The following TBC1D5 variants were observed in gnomAD, a reference collection of about 807,000 sequenced individuals.
TBC1D5 encodes the protein TBC1 domain family, member 5.
TBC1D5 carries 75 observed loss-of-function variants against 100.3 expected under a neutral mutation model. The observed-to-expected ratio is 0.75, with a 90% confidence interval of 0.62 to 0.91. TBC1D5 has a LOEUF of 0.91. Ranked by LOEUF, TBC1D5 falls within the 40% of genes least tolerant of loss-of-function variation. The pLI is 0.00. For synonymous variants in TBC1D5, 323 were observed against 325.6 expected, an observed-to-expected ratio of 0.99 and a Z score of 0.09; for missense variants, 910 against 942.4, an observed-to-expected ratio of 0.97 and a Z score of 0.45.
intron 2 of TBC1D5, among the ~76,000 whole-genome samples, chr3:17,546,556 G>A (rs899144339): frequency 6.6e-6 from 1 of 151,654 alleles, no homozygotes; most frequent in Non-Finnish European, 1.5e-5. Context: ...CTGAGCTCAG[G>A]AGTTTGAAAC....
intron 4 of TBC1D5, among the ~76,000 whole-genome samples, 184 bp downstream of exon 4, chr3:17,428,266 T>C (rs2094379618): frequency 1.3e-5 from 2 of 151,682 alleles, no homozygotes; most frequent in South Asian, 4.2e-4. Flanking sequence ...TCTTATTAAT[T>C]ACAGAAAATA....
rs555195095 is a variant in TBC1D5 at position 17,518,417 on chromosome 3, G to A, written c.-35-9812C>T. ...GGGAGAGAAGTGGCTTGACTTGAAA[G>A]GGACAGCTTTACAGAGGGACAGCTT... On this transcript the variant is annotated intron_variant, in intron 2 of 21. Transcript: ENST00000253692. 1.1e-4 allele frequency among the ~76,000 whole-genome samples: 17 copies of A among 152,308 alleles called. No individual in the cohort carries two copies. The South Asian group carries it at 3.1e-3, about 28-fold the overall frequency.
At chr3:17,284,352 G>T (rs893361144) in intron 15 of TBC1D5, among the ~76,000 whole-genome samples, 1 of 152,044 alleles carries the variant, frequency 6.6e-6, no homozygotes, top group Non-Finnish European at 1.5e-5. Flanking sequence ...TCCTGACTTC[G>T]AGTGATCCGC....
chr3:17,214,241 C>A (rs747450199), exon 18 of TBC1D5: 1 of 1,612,870 alleles, frequency 6.2e-7, no homozygotes, highest in Admixed American at 1.7e-5. Context: ...GCTGTGTGAG[C>A]GAGAACGTGA....
exon 1 of TBC1D5, chr3:17,739,566 G>A (rs1313931030): frequency 6.6e-6 from 1 of 152,244 alleles, no homozygotes; most frequent in African/African-American, 2.4e-5. Context: ...TTCAGAGGAA[G>A]TAGATACTTT....
intron 1 of TBC1D5, among the ~76,000 whole-genome samples, chr3:17,703,683 G>C (rs183325432): frequency 2.0e-5 from 3 of 152,106 alleles, no homozygotes; most frequent in African/African-American, 7.2e-5. Context: ...TAGAACAGGG[G>C]ATCACAAGCT....
intron 2 of TBC1D5, among the ~76,000 whole-genome samples, chr3:17,619,582 T>C (rs1237681569): frequency 6.6e-6 from 1 of 152,096 alleles, no homozygotes; most frequent in Non-Finnish European, 1.5e-5. Context: ...ATATCATACA[T>C]AAAAATAAAC....
At chr3:17,543,291 C>A (rs546882514) in intron 2 of TBC1D5, among the ~76,000 whole-genome samples, 10 of 152,086 alleles carry the variant, frequency 6.6e-5, no homozygotes, top group Non-Finnish European at 2.9e-5. Context: ...TTTGGGGTGG[C>A]GTTCCTAATC....
intron 3 of TBC1D5, among the ~76,000 whole-genome samples, chr3:17,506,904 T>C (rs986066031): frequency 6.6e-6 from 1 of 152,070 alleles, no homozygotes; most frequent in African/African-American, 2.4e-5. Context: ...TAGTCCCAGC[T>C]ACTTGGGAGG....
At chr3:17,366,367 GC>G (rs1169117816) in intron 13 of TBC1D5, among the ~76,000 whole-genome samples, 3 of 151,812 alleles carry the variant, frequency 2.0e-5, no homozygotes, top group African/African-American at 7.3e-5. Flanking sequence ...ACAATGCCTA[GC>G]CCTCAGGAAA....
At chr3:17,290,465 C>T (rs1470067968) in intron 15 of TBC1D5, among the ~76,000 whole-genome samples, 1 of 152,140 alleles carries the variant, frequency 6.6e-6, no homozygotes, top group Non-Finnish European at 1.5e-5. Flanking sequence ...TCATTTCTTT[C>T]TTCAATTAAA....
At chr3:17,223,974 A>G (rs2074572490) in intron 17 of TBC1D5, among the ~76,000 whole-genome samples, 1 of 152,188 alleles carries the variant, frequency 6.6e-6, no homozygotes, top group South Asian at 2.1e-4. Context: ...ATATAATTAA[A>G]TTTAAATTTC....
At chr3:17,366,117 T>C (rs571639966) in intron 13 of TBC1D5, among the ~76,000 whole-genome samples, 17 of 151,954 alleles carry the variant, frequency 1.1e-4, no homozygotes, top group Admixed American at 3.3e-4. Flanking sequence ...TAGTGAAACC[T>C]TGTCTTTACC....
chr3:17,206,180 G>A (rs2072157369), intron 18 of TBC1D5, among the ~76,000 whole-genome samples: 1 of 152,198 alleles, frequency 6.6e-6, no homozygotes, highest in South Asian at 2.1e-4. Flanking sequence ...TACATCAGTG[G>A]TTCAGATCTA....
chr3:17,244,165 A>G (rs987174572), intron 16 of TBC1D5, among the ~76,000 whole-genome samples: 1 of 152,232 alleles, frequency 6.6e-6, no homozygotes, highest in Non-Finnish European at 1.5e-5. Flanking sequence ...AAGGGCTCCA[A>G]TCCTGGAACT....
chr3:17,625,907 T>C (rs1219903813), intron 1 of TBC1D5, among the ~76,000 whole-genome samples: 1 of 152,154 alleles, frequency 6.6e-6, no homozygotes, highest in East Asian at 1.9e-4. Context: ...TTTAGAATTA[T>C]TTTCATTATC....
rs192332115 is a variant in TBC1D5 at position 17,278,675 on chromosome 3, G to A, written c.1245+13220C>T. Among the ~76,000 whole-genome samples, 206 of 152,202 alleles carry A rather than the reference G, an allele frequency of 1.4e-3. 2 individuals carry two copies. The highest frequency in any genetic ancestry group is 0.013 in the Admixed American group (194 of 15,290). On this transcript the variant is annotated intron_variant, in intron 15 of 21. Transcript: ENST00000253692. ...CTCATAAAGAGACATAGATCTGAAT[G>A]AAAAAAAGAGATTGTTGGCTGCCCT...
At chr3:17,480,083 C>T (rs2095483987) in intron 3 of TBC1D5, among the ~76,000 whole-genome samples, 4 of 152,206 alleles carry the variant, frequency 2.6e-5, no homozygotes, top group Admixed American at 2.0e-4. Flanking sequence ...GTGGCTGAGT[C>T]CGGGCACTAT....
intron 17 of TBC1D5, among the ~76,000 whole-genome samples, chr3:17,232,831 T>C (rs1332311074): frequency 1.3e-5 from 2 of 152,190 alleles, no homozygotes; most frequent in Non-Finnish European, 2.9e-5. Context: ...TTAATACTAC[T>C]AGCATCACTA....
Sources: gnomAD v4.1 joint callset for allele counts (sites outside exome capture counted in the v4.1 genomes callset) on GRCh38, gnomAD v4.1.1 for gene constraint, MANE v1.5 for transcripts, NCBI Gene and HGNC (gene_info 2026-07-23, HGNC 2026-07-21) for gene names.